The following ATP11C variants were observed in gnomAD, a reference collection of about 807,000 sequenced individuals.
ATP11C encodes the protein phospholipid-transporting ATPase IG.
ATP11C carries 36 observed loss-of-function variants against 97.4 expected under a neutral mutation model. That is an observed-to-expected ratio of 0.37 (90% CI 0.28 to 0.49). The LOEUF (loss-of-function observed/expected upper bound fraction) is 0.49. Ranked by LOEUF, ATP11C falls within the 20% of genes least tolerant of loss-of-function variation. The pLI, the probability that ATP11C is intolerant of heterozygous loss-of-function variation, is 0.98. For missense variants in ATP11C, 730 were observed against 824.6 expected (o/e 0.89, Z 1.40); for synonymous variants, 275 against 290.9 (o/e 0.95, Z 0.56).
chrX:139,830,250 C>G (rs2083616846), intron 1 of ATP11C, among the ~76,000 whole-genome samples: 1 of 111,732 alleles, frequency 8.9e-6, no homozygotes, highest in African/African-American at 3.3e-5. Flanking sequence ...GGAAGCTCCC[C>G]AGGTGACAAT....
chrX:139,909,613 G>T (rs2085038551), intron 1 of ATP11C, among the ~76,000 whole-genome samples: 2 of 111,418 alleles, frequency 1.8e-5, no homozygotes, highest in Non-Finnish European at 3.8e-5. Context: ...AAACATTGGT[G>T]GACGGCATCA....
intron 16 of ATP11C, among the ~76,000 whole-genome samples, chrX:139,784,207 A>G (rs1349068183): frequency 8.9e-6 from 1 of 112,094 alleles, no homozygotes; most frequent in Non-Finnish European, 1.9e-5. Flanking sequence ...CAGACATTTC[A>G]CCATTTGCTG....
intron 18 of ATP11C, among the ~76,000 whole-genome samples, chrX:139,778,945 A>G (rs977063028): frequency 8.9e-6 from 1 of 111,915 alleles, no homozygotes; most frequent in Non-Finnish European, 1.9e-5. Flanking sequence ...TGATCTTCCT[A>G]TATCAGATAA....
At chrX:139,739,383 C>T (rs961681976) in intron 27 of ATP11C, among the ~76,000 whole-genome samples, 11 of 109,290 alleles carry the variant, frequency 1.0e-4, no homozygotes, top group Non-Finnish European at 2.1e-4. Flanking sequence ...GTTTGGGGCT[C>T]GGAAGTCATC....
intron 26 of ATP11C, among the ~76,000 whole-genome samples, chrX:139,742,876 AATAT>A (rs869303916): frequency 7.2e-4 from 19 of 26,209 alleles, no homozygotes; most frequent in African/African-American, 3.0e-3. Flanking sequence ...AAAAAAAAAA[AATAT>A]ATATATATAT....
chrX:139,871,333 G>C (rs969478859), intron 1 of ATP11C, among the ~76,000 whole-genome samples: 21 of 105,481 alleles, frequency 2.0e-4, no homozygotes, highest in Non-Finnish European at 3.3e-4. Context: ...CTCAGCTCCC[G>C]AGTAGCTGGC....
At chrX:139,860,104 C>CAAAAAAAAAAAA (rs1245214221) in intron 1 of ATP11C, among the ~76,000 whole-genome samples, 1 of 20,413 alleles carries the variant, frequency 4.9e-5, no homozygotes, top group Non-Finnish European at 7.3e-5. Flanking sequence ...GACTCCGTCT[C>CAAAAAAAAAAAA]AAAAAAAAAA....
chrX:139,886,008 CAT>C (rs993642217), intron 1 of ATP11C, among the ~76,000 whole-genome samples: 2 of 111,061 alleles, frequency 1.8e-5, no homozygotes, highest in African/African-American at 6.5e-5. Flanking sequence ...TACTCAACAT[CAT>C]ATAAGATAGA....
intron 1 of ATP11C, among the ~76,000 whole-genome samples, chrX:139,908,524 G>T (rs918239232): frequency 8.9e-6 from 1 of 112,231 alleles, no homozygotes; most frequent in African/African-American, 3.2e-5. Flanking sequence ...CTAGCATATA[G>T]TGCCTAGCTG....
Position 139,808,280 on chromosome X carries a change from T to G in ATP11C, c.427-3681A>C, listed in dbSNP as rs374087648. The stretch of plus-strand genomic sequence containing the variant: ...TCAAACAGTATAATAGTCATGTAAT[T>G]GGAGTACCGGAAGAATAGAGAGAAT... On this transcript the variant is annotated intron_variant, in intron 5 of 29. Coordinates refer to ENST00000682941, the MANE Select transcript of ATP11C (RefSeq NM_001353812.2). Among the ~76,000 whole-genome samples the G allele has an allele frequency of 8.1e-5, 9 of 111,577 alleles. No homozygotes were observed. In the South Asian group the frequency reaches 1.9e-3, roughly 23 times the overall value.
intron 1 of ATP11C, among the ~76,000 whole-genome samples, chrX:139,863,474 A>G (rs1254099628): frequency 9.0e-6 from 1 of 111,546 alleles, no homozygotes. Context: ...AGGAGGTTGC[A>G]GTGAGCCGAG....
intron 1 of ATP11C, among the ~76,000 whole-genome samples, chrX:139,900,605 G>T (rs1016537589): frequency 1.8e-5 from 2 of 111,599 alleles, no homozygotes; most frequent in African/African-American, 6.5e-5. Context: ...TTAAAGTTCA[G>T]GTTTGAGTAG....
chrX:139,729,473 T>C (rs937662779), intron 29 of ATP11C, among the ~76,000 whole-genome samples: 5 of 111,784 alleles, frequency 4.5e-5, no homozygotes, highest in Non-Finnish European at 9.4e-5. Flanking sequence ...ATTGTGAAAA[T>C]ATTCTTCCTT....
chrX:139,814,448 T>C (rs62609090), intron 5 of ATP11C, among the ~76,000 whole-genome samples: 9 of 112,208 alleles, frequency 8.0e-5, no homozygotes, highest in South Asian at 3.6e-4. Flanking sequence ...TCAATGTTCA[T>C]AGCAATTCAT....
chrX:139,768,516 G>T (rs2082182643), intron 19 of ATP11C, 82 bp from the exon 20 acceptor site: 1 of 734,589 alleles, frequency 1.4e-6, no homozygotes, highest in Non-Finnish European at 1.8e-6. Context: ...AACAACAAAG[G>T]GGGTGGTCTC....
intron 1 of ATP11C, among the ~76,000 whole-genome samples, chrX:139,857,660 G>A (rs779880307): frequency 1.8e-5 from 2 of 111,380 alleles, no homozygotes; most frequent in East Asian, 5.7e-4. Flanking sequence ...CAGGGGCCAC[G>A]TGCGTCAGGG....
At chrX:139,743,359 G>A (rs894789897) in intron 26 of ATP11C, among the ~76,000 whole-genome samples, 200 bp downstream of exon 26, 1 of 110,145 alleles carries the variant, frequency 9.1e-6, no homozygotes, top group African/African-American at 3.3e-5. Context: ...ACGATATACT[G>A]GGGAAAAAAC....
intron 23 of ATP11C, among the ~76,000 whole-genome samples, chrX:139,753,510 CA>C (rs1249809480): frequency 9.0e-6 from 1 of 111,721 alleles, no homozygotes; most frequent in African/African-American, 3.3e-5. Flanking sequence ...ACACCCGCAT[CA>C]AAAAGTTAAA....
intron 1 of ATP11C, among the ~76,000 whole-genome samples, chrX:139,856,703 A>T (rs2084096019): frequency 8.9e-6 from 1 of 112,525 alleles, no homozygotes; most frequent in African/African-American, 3.2e-5. Flanking sequence ...AAATAGCTGC[A>T]GGATTTGTCA....
Sources: allele counts gnomAD v4.1 joint callset (sites outside exome capture counted in the v4.1 genomes callset), GRCh38; gene constraint gnomAD v4.1.1; transcripts MANE v1.5; gene names NCBI Gene and HGNC (gene_info 2026-07-23, HGNC 2026-07-21).